The following SLC44A5 variants were observed in gnomAD, a reference collection of about 807,000 sequenced individuals.
SLC44A5 encodes the protein choline transporter-like protein 5.
SLC44A5 carries 57 observed loss-of-function variants against 101.8 expected under a neutral mutation model. That is an observed-to-expected ratio of 0.56 (90% CI 0.45 to 0.70). The LOEUF is 0.70. SLC44A5 is among the 30% of genes least tolerant of loss of function. The probability of loss-of-function intolerance (pLI) is 0.00; values close to 1 mark genes in which losing one functional copy is unlikely to be tolerated. For missense variants in SLC44A5, 737 were observed against 853.1 expected, an observed-to-expected ratio of 0.86 and a Z score of 1.70; for synonymous variants, 281 against 290.9, an observed-to-expected ratio of 0.97 and a Z score of 0.35.
chr1:75,538,326 A>T (rs1424940818), intron 2 of SLC44A5, among the ~76,000 whole-genome samples: 3 of 152,246 alleles, frequency 2.0e-5, no homozygotes, highest in Non-Finnish European at 4.4e-5. Flanking sequence ...TCTGTATTCT[A>T]TATCAGTATG....
chr1:75,536,631 G>GA (rs150362895), intron 2 of SLC44A5, among the ~76,000 whole-genome samples: 193 of 126,244 alleles, frequency 1.5e-3, no homozygotes, highest in Middle Eastern at 5.9e-3. Context: ...AGAAAAGAAA[G>GA]AAAAAAAAAG....
At chr1:75,388,235 TCCA>T (rs1661527054) in intron 3 of SLC44A5, among the ~76,000 whole-genome samples, 1 of 115,740 alleles carries the variant, frequency 8.6e-6, no homozygotes, top group South Asian at 2.8e-4. Context: ...AATAAATAAA[TCCA>T]AAAAAAAACA....
chr1:75,415,853 T>A (rs1663607073), intron 2 of SLC44A5, among the ~76,000 whole-genome samples: 1 of 152,146 alleles, frequency 6.6e-6, no homozygotes, highest in Admixed American at 6.5e-5. Flanking sequence ...ACTTTGAACT[T>A]GAGAGTGATG....
chr1:75,524,330 A>T (rs994242720), intron 2 of SLC44A5, among the ~76,000 whole-genome samples: 8 of 152,180 alleles, frequency 5.3e-5, no homozygotes, highest in Non-Finnish European at 7.3e-5. Context: ...ACTATAAGAC[A>T]ATTAAACCTC....
At chr1:75,246,504 C>T (rs1649117385) in intron 7 of SLC44A5, among the ~76,000 whole-genome samples, 2 of 152,020 alleles carry the variant, frequency 1.3e-5, no homozygotes, top group Non-Finnish European at 1.5e-5. Context: ...CATAAAAATC[C>T]TTGCCCTCAA....
chr1:75,513,123 T>A (rs1207805400), intron 2 of SLC44A5, among the ~76,000 whole-genome samples: 1 of 152,160 alleles, frequency 6.6e-6, no homozygotes, highest in Non-Finnish European at 1.5e-5. Flanking sequence ...AAATCTTCTG[T>A]CCAGTGCAAC....
At chr1:75,494,543 C>T (rs987913233) in intron 2 of SLC44A5, among the ~76,000 whole-genome samples, 5 of 152,132 alleles carry the variant, frequency 3.3e-5, no homozygotes, top group African/African-American at 1.2e-4. Flanking sequence ...GTGGCATGCC[C>T]AGAGCTCCTT....
At chr1:75,485,497 C>T (rs1340402233) in intron 2 of SLC44A5, among the ~76,000 whole-genome samples, 1 of 152,202 alleles carries the variant, frequency 6.6e-6, no homozygotes, top group Non-Finnish European at 1.5e-5. Flanking sequence ...CTTCATTGTT[C>T]ATATCACTAT....
rs1438025059 is a variant in SLC44A5, at chr1:75,579,646, G to T, written c.-70+31394C>A. Among the ~76,000 whole-genome samples the T allele has an allele frequency of 2.0e-5, 3 of 152,020 alleles. 1 individual carries two copies. In the South Asian group the frequency reaches 6.2e-4, roughly 32 times the overall value. On this transcript the variant is annotated intron_variant, in intron 1 of 23. Coordinates refer to ENST00000370859, the MANE Select transcript of SLC44A5 (RefSeq NM_001130058.2). Reference sequence around the variant, plus strand: ...CCCTTTCCTACTAATTACACCTCTTGCAGGAGTCATATGAAATATATTAAG... The same window carrying T: ...CCCTTTCCTACTAATTACACCTCTTTCAGGAGTCATATGAAATATATTAAG...
At chr1:75,680,495 C>T in the SLC44A5 span, among the ~76,000 whole-genome samples, 43,105 of 149,690 alleles carry the variant, frequency 0.29, 6,101 homozygotes, top group Non-Finnish European at 0.33. Flanking sequence ...ACTGAACAAC[C>T]TGCTCCTGAA....
intron 1 of SLC44A5, among the ~76,000 whole-genome samples, chr1:75,579,699 G>GA (rs1673572755): frequency 6.6e-6 from 1 of 151,906 alleles, no homozygotes; most frequent in South Asian, 2.1e-4. Flanking sequence ...AATTGATAAT[G>GA]AAAAAAGGTT....
At chr1:75,649,937 T>C in the SLC44A5 span, among the ~76,000 whole-genome samples, 1 of 152,180 alleles carries the variant, frequency 6.6e-6, no homozygotes, top group African/African-American at 2.4e-5. Context: ...ATTTAATAAG[T>C]CTTGATACTG....
intron 12 of SLC44A5, among the ~76,000 whole-genome samples, chr1:75,233,191 T>G (rs936764718): frequency 3.3e-5 from 5 of 152,134 alleles, no homozygotes; most frequent in Admixed American, 2.6e-4. Context: ...TGTGATTAGA[T>G]TTCAACCTTG....
chr1:75,412,804 C>A (rs1663367386), intron 2 of SLC44A5, among the ~76,000 whole-genome samples: 2 of 152,298 alleles, frequency 1.3e-5, no homozygotes, highest in South Asian at 2.1e-4. Context: ...CTTTGTCCAG[C>A]ATCTCCATGC....
chr1:75,590,497 T>C (rs1674286230), intron 1 of SLC44A5, among the ~76,000 whole-genome samples: 1 of 152,146 alleles, frequency 6.6e-6, no homozygotes. Flanking sequence ...CAGTGAGCTC[T>C]TGGGGTCCCC....
At chr1:75,353,424 A>G (rs1338722815) in intron 3 of SLC44A5, among the ~76,000 whole-genome samples, 1 of 152,144 alleles carries the variant, frequency 6.6e-6, no homozygotes, top group Admixed American at 6.5e-5. Flanking sequence ...ACTCGAATTT[A>G]AGAGAGTCAA....
intron 3 of SLC44A5, among the ~76,000 whole-genome samples, chr1:75,375,961 C>T (rs370471778): frequency 3.4e-4 from 52 of 152,194 alleles, no homozygotes; most frequent in African/African-American, 1.1e-3. Flanking sequence ...AGGCAGTGGG[C>T]GCAGGTCAGT....
chr1:75,479,577 T>C (rs1357530466), intron 2 of SLC44A5, among the ~76,000 whole-genome samples: 2 of 152,204 alleles, frequency 1.3e-5, no homozygotes, highest in East Asian at 1.9e-4. Context: ...ATATCACCAC[T>C]GATCCCACAG....
At chr1:75,340,425 G>C (rs78988071) in intron 3 of SLC44A5, among the ~76,000 whole-genome samples, 2,211 of 152,150 alleles carry the variant, frequency 0.015, 60 homozygotes, top group African/African-American at 0.051. Context: ...TGTTCCTCTA[G>C]GGATTTGTCC....
Sources: allele counts gnomAD v4.1 joint callset (sites outside exome capture counted in the v4.1 genomes callset), GRCh38; gene constraint gnomAD v4.1.1; transcripts MANE v1.5; gene names NCBI Gene and HGNC (gene_info 2026-07-23, HGNC 2026-07-21).